Variants in PCDHGA3 observed in about 807,000 individuals in gnomAD.
The protein encoded by PCDHGA3 is protocadherin gamma subfamily A, 3, also known as protocadherin gamma-A3.
Under a neutral mutation model 58.5 loss-of-function variants are expected in PCDHGA3, and 40 were observed. That is an observed-to-expected ratio of 0.68 (90% confidence interval 0.53 to 0.89). The LOEUF (loss-of-function observed/expected upper bound fraction) is 0.89, where lower values mean the gene tolerates loss of function less well. PCDHGA3 is among the 40% of genes least tolerant of loss of function. PCDHGA3 has a pLI of 0.00. For missense variants in PCDHGA3, 1,223 were observed against 1,195.9 expected, an observed-to-expected ratio of 1.02 and a Z score of -0.33; for synonymous variants, 530 against 525.7, an observed-to-expected ratio of 1.01 and a Z score of -0.11.
intron 1 of PCDHGA3, chr5:141,375,741 T>C (rs1374220780): frequency 1.9e-6 from 3 of 1,614,246 alleles, no homozygotes; most frequent in South Asian, 2.2e-5. Flanking sequence ...CTGTTTGTGC[T>C]GGACCAGAAT....
chr5:141,346,424 A>T lies in PCDHGA3; in HGVS notation c.2391A>T (p.Leu797Phe), dbSNP rs773714728. The change falls in exon 1 of 4, where the codon TTA becomes TTT. Residue 797 changes from leucine to phenylalanine, a missense_variant. Coordinates refer to ENST00000253812, the MANE Select transcript of PCDHGA3 (RefSeq NM_018916.4). ...KSEPLLITQD[L>F]LEMKGDSNLL... ...AGCCTCTTCTGATAACTCAGGATTT[A>T]CTTGAAATGAAAGGAGATTCCAACC... 9 of 1,614,238 alleles carry T rather than the reference A, an allele frequency of 5.6e-6. No individual in the cohort carries two copies. The South Asian group carries it at 8.8e-5, about 16-fold the overall frequency.
chr5:141,400,798 A>G (rs2094077333), intron 1 of PCDHGA3: 2 of 559,100 alleles, frequency 3.6e-6, no homozygotes, highest in Non-Finnish European at 6.3e-6. Flanking sequence ...TCTTTCTCAA[A>G]GCTAATGAAT....
intron 1 of PCDHGA3, chr5:141,371,538 A>T: frequency 6.2e-7 from 1 of 1,613,804 alleles, no homozygotes; most frequent in Non-Finnish European, 8.5e-7. Context: ...TAATGGAGAA[A>T]TCCTATGCCA....
In PCDHGA3 at chr5:141,351,759, A is replaced by G; in HGVS notation, c.2424+5302A>G. ...CTGGAGCCGCGGGAGCTGTTGTCCT[A>G]CGTGTCCGTGAGCCCGCAGAGCGGG... is the stretch of plus-strand genomic sequence containing the variant. On this transcript the variant is annotated intron_variant, in intron 1 of 3. Coordinates refer to ENST00000253812, the MANE Select transcript of PCDHGA3 (RefSeq NM_018916.4). 1.9e-6 allele frequency: 3 copies of G among 1,613,582 alleles called. No individual in the cohort carries two copies. In the South Asian group the frequency reaches 3.3e-5, roughly 18 times the overall value.
intron 1 of PCDHGA3, chr5:141,395,911 T>C (rs964928270): frequency 2.6e-5 from 4 of 152,144 alleles, no homozygotes; most frequent in African/African-American, 9.7e-5. Flanking sequence ...CATGGAGACA[T>C]GAAATCTAAA....
intron 1 of PCDHGA3, among the ~76,000 whole-genome samples, chr5:141,481,749 C>T (rs958851030): frequency 6.6e-6 from 1 of 151,976 alleles, no homozygotes; most frequent in Non-Finnish European, 1.5e-5. Context: ...GTCAGGAGTC[C>T]AAGACCAGCC....
chr5:141,455,495 G>C (rs2098824459), intron 1 of PCDHGA3, among the ~76,000 whole-genome samples: 1 of 152,204 alleles, frequency 6.6e-6, no homozygotes, highest in East Asian at 1.9e-4. Flanking sequence ...GGTGATGTCT[G>C]ATTTGCATAG....
At chr5:141,430,638 G>A in intron 1 of PCDHGA3, 1 of 898,338 alleles carries the variant, frequency 1.1e-6, no homozygotes, top group Non-Finnish European at 1.6e-6. Flanking sequence ...CCATCCCTGG[G>A]AGTATGTGGA....
At position 141,485,413 on chromosome 5, in the gene PCDHGA3, C is replaced by T; in HGVS notation, c.2425-9394C>T. ...AAAGACACTTCCGTGTGGATTTGGA[C>T]AGCGGAGCCCTGCTCATCAAGAACC... On this transcript the variant is annotated intron_variant, in intron 1 of 3. Transcript: ENST00000253812. The surrounding 1 kb of genome is among the most constrained non-coding windows in gnomAD (Gnocchi z 5.7). The T allele has an allele frequency of 6.2e-7, 1 of 1,614,158 alleles. No individual in the cohort carries two copies. The highest frequency in any genetic ancestry group is 8.5e-7 in the Non-Finnish European group (1 of 1,180,030).
rs762418103 is a variant in PCDHGA3 at position 141,364,738 on chromosome 5, A to G, written c.2424+18281A>G. Reference sequence around the variant, plus strand: ...ATAACTTCCCGCGTTTCCGGGATGAAGAGTTAAAAGTAAAAGTTAATGAAA... The same window carrying G: ...ATAACTTCCCGCGTTTCCGGGATGAGGAGTTAAAAGTAAAAGTTAATGAAA... On this transcript the variant is annotated intron_variant, in intron 1 of 3. Transcript: ENST00000253812. The G allele has an allele frequency of 3.1e-6, 5 of 1,613,948 alleles. 1 individual carries two copies. In the South Asian group the frequency reaches 5.5e-5, roughly 18 times the overall value.
At chr5:141,510,028 C>A (rs962629835) in intron 3 of PCDHGA3, among the ~76,000 whole-genome samples, 1 of 152,164 alleles carries the variant, frequency 6.6e-6, no homozygotes, top group Non-Finnish European at 1.5e-5. Context: ...GCTGGCTGGG[C>A]TGTTATGTAG....
chr5:141,372,918 G>C (rs1350578389), intron 1 of PCDHGA3: 1 of 1,022,894 alleles, frequency 9.8e-7, no homozygotes, highest in African/African-American at 1.6e-5. Context: ...TTATTTTATT[G>C]ATTTTCTGGT....
At chr5:141,461,328 A>G (rs2154567322) in intron 1 of PCDHGA3, among the ~76,000 whole-genome samples, 1 of 152,282 alleles carries the variant, frequency 6.6e-6, no homozygotes, top group East Asian at 1.9e-4. Flanking sequence ...AATAATGGCC[A>G]TTCTTGCAGG....
chr5:141,356,711 A>G, intron 1 of PCDHGA3: 1 of 1,613,884 alleles, frequency 6.2e-7, no homozygotes, highest in Non-Finnish European at 8.5e-7. Flanking sequence ...CTGTCCTCCT[A>G]TGTCTCCATC....
chr5:141,419,569 C>T (rs1200109635), intron 1 of PCDHGA3: 3 of 1,611,654 alleles, frequency 1.9e-6, no homozygotes, highest in East Asian at 2.2e-5. Context: ...TGGGTCCCGA[C>T]GGCTCCGCGC....
At chr5:141,352,604 T>C in intron 1 of PCDHGA3, 1 of 1,613,552 alleles carries the variant, frequency 6.2e-7, no homozygotes, top group Non-Finnish European at 8.5e-7. Context: ...TGATGATCCT[T>C]CTATGGTTGT....
chr5:141,403,358 G>A (rs1031210052), intron 1 of PCDHGA3: 1 of 1,614,026 alleles, frequency 6.2e-7, no homozygotes. Flanking sequence ...GTTCCAGGCC[G>A]AAAGTCTGGA....
chr5:141,422,594 C>G, intron 1 of PCDHGA3: 1 of 1,614,090 alleles, frequency 6.2e-7, no homozygotes, highest in Non-Finnish European at 8.5e-7. Flanking sequence ...TTTCCTCACT[C>G]CTCTTACTCT....
At chr5:141,414,334 AC>A (rs1187631098) in intron 1 of PCDHGA3, 2 of 1,613,782 alleles carry the variant, frequency 1.2e-6, no homozygotes, top group South Asian at 2.2e-5. Context: ...TGGACAGGTA[AC>A]CTGTTCCATT....
Sources: gnomAD v4.1 joint callset for allele counts (sites outside exome capture counted in the v4.1 genomes callset) on GRCh38, gnomAD v4.1.1 for gene constraint, Gnocchi (gnomAD v3.1) non-coding constraint, MANE v1.5 for transcripts, NCBI Gene and HGNC (gene_info 2026-07-23, HGNC 2026-07-21) for gene names.